The following FOXP1 variants were observed in gnomAD, a reference collection of about 807,000 sequenced individuals.
FOXP1 encodes the protein forkhead box protein P1.
In FOXP1, 15 loss-of-function variants were observed where a neutral mutation model predicts 98.2. The observed-to-expected ratio is 0.15, with a 90% CI of 0.10 to 0.24. FOXP1 has a LOEUF of 0.24. Ranked by LOEUF, FOXP1 falls within the 10% of genes least tolerant of loss-of-function variation. FOXP1 has a pLI of 1.00. For synonymous variants in FOXP1, 371 were observed against 314.5 expected (o/e 1.18, Z -1.90); for missense variants, 633 against 848.5 (o/e 0.75, Z 3.15).
At chr3:71,090,730 C>G (rs1288982) in intron 7 of FOXP1, among the ~76,000 whole-genome samples, 151,404 of 152,318 alleles carry the variant, frequency 0.99, 75,257 homozygotes, top group East Asian at 1. Flanking sequence ...AGCAGTTGCA[C>G]TGCCATTACA....
intron 2 of FOXP1, among the ~76,000 whole-genome samples, chr3:71,531,957 C>T (rs958491547): frequency 7.9e-5 from 12 of 152,210 alleles, no homozygotes; most frequent in South Asian, 2.1e-4. Flanking sequence ...GTCATTTATG[C>T]GACTTCCACA....
At chr3:71,144,306 G>C (rs1040309012) in intron 6 of FOXP1, among the ~76,000 whole-genome samples, 1 of 152,212 alleles carries the variant, frequency 6.6e-6, no homozygotes. Context: ...CTCAGGGCTG[G>C]AGAATGAGCA....
chr3:70,981,792 T>C (rs2038912576), intron 14 of FOXP1, among the ~76,000 whole-genome samples: 1 of 152,226 alleles, frequency 6.6e-6, no homozygotes, highest in Non-Finnish European at 1.5e-5. Context: ...GGAAAACTAA[T>C]GACACATATA....
chr3:71,175,982 C>A (rs141131294), intron 6 of FOXP1, among the ~76,000 whole-genome samples: 18 of 152,278 alleles, frequency 1.2e-4, no homozygotes, highest in African/African-American at 4.1e-4. Context: ...GCAAAATAAT[C>A]CACTCTCCCC....
intron 7 of FOXP1, among the ~76,000 whole-genome samples, chr3:71,071,057 T>A (rs1173993003): frequency 6.6e-6 from 1 of 152,188 alleles, no homozygotes; most frequent in Non-Finnish European, 1.5e-5. Flanking sequence ...GGCTCTGCGC[T>A]CGCTATGGCT....
At chr3:71,562,880 C>T (rs1029890321) in intron 2 of FOXP1, among the ~76,000 whole-genome samples, 3 of 152,160 alleles carry the variant, frequency 2.0e-5, no homozygotes, top group African/African-American at 7.2e-5. Flanking sequence ...ACTTCCTGGG[C>T]CCATTCCTTT....
At chr3:71,376,122 G>T (rs764636041) in intron 3 of FOXP1, among the ~76,000 whole-genome samples, 4 of 152,132 alleles carry the variant, frequency 2.6e-5, no homozygotes, top group Non-Finnish European at 5.9e-5. Flanking sequence ...CTATTTCAAA[G>T]ATTACATCAA....
intron 1 of FOXP1, chr3:71,582,806 T>C: frequency 2.0e-6 from 2 of 985,040 alleles, no homozygotes; most frequent in Non-Finnish European, 2.4e-6. Flanking sequence ...GTTTGAATTT[T>C]CCGGGCTCCG....
At chr3:71,524,557 A>G (rs943753369) in intron 2 of FOXP1, among the ~76,000 whole-genome samples, 2 of 141,948 alleles carry the variant, frequency 1.4e-5, no homozygotes, top group Non-Finnish European at 3.1e-5. Context: ...AAAAAAAAAA[A>G]GCAAGCCAAT....
intron 18 of FOXP1, chr3:70,972,188 A>G: frequency 2.0e-6 from 3 of 1,515,732 alleles, no homozygotes; most frequent in Non-Finnish European, 1.8e-6. Flanking sequence ...ACCCTGGGAT[A>G]GGAGCAGCAG....
chr3:71,277,047 C>G (rs552384125), intron 5 of FOXP1, among the ~76,000 whole-genome samples: 84 of 151,532 alleles, frequency 5.5e-4, no homozygotes, highest in Non-Finnish European at 9.4e-4. Flanking sequence ...CAAGCTTCCC[C>G]TCCCGGATTC....
intron 6 of FOXP1, among the ~76,000 whole-genome samples, chr3:71,162,369 C>T (rs886593092): frequency 6.6e-6 from 1 of 152,190 alleles, no homozygotes; most frequent in African/African-American, 2.4e-5. Flanking sequence ...ACCACTGCTT[C>T]CCACAGCCTT....
chr3:71,188,920 T>TA (rs924485335), intron 6 of FOXP1, among the ~76,000 whole-genome samples: 3 of 151,586 alleles, frequency 2.0e-5, no homozygotes, highest in East Asian at 1.9e-4. Context: ...TTACCAACCT[T>TA]AAAAAAAAAT....
intron 2 of FOXP1, among the ~76,000 whole-genome samples, chr3:71,507,033 C>T (rs1338409885): frequency 6.6e-6 from 1 of 152,212 alleles, no homozygotes; most frequent in East Asian, 1.9e-4. Context: ...GCTTGGACCA[C>T]ACAACTAAGT....
chr3:71,171,330 G>C (rs562707467), intron 6 of FOXP1, among the ~76,000 whole-genome samples: 1 of 152,250 alleles, frequency 6.6e-6, no homozygotes, highest in African/African-American at 2.4e-5. Flanking sequence ...ATTACTACCA[G>C]ACAGAAACTC....
Position 71,220,135 on chromosome 3 carries a change from T to C in FOXP1, c.-11-21743A>G, listed in dbSNP as rs181022667. Among the ~76,000 whole-genome samples the C allele has an allele frequency of 1.4e-3, 219 of 152,330 alleles. 1 individual carries two copies. The highest frequency in any genetic ancestry group is 4.8e-3 in the African/African-American group (201 of 41,566). ...GCAGAGTAATCATTATACTACATTC[T>C]AGTTTTCTGAATGTTTACCTGTAAG... On this transcript the variant is annotated intron_variant, in intron 5 of 20. Coordinates refer to ENST00000649528, the MANE Select transcript of FOXP1 (RefSeq NM_001349338.3).
intron 7 of FOXP1, among the ~76,000 whole-genome samples, chr3:71,088,543 C>T (rs1007410893): frequency 2.0e-5 from 3 of 152,002 alleles, no homozygotes; most frequent in Non-Finnish European, 4.4e-5. Flanking sequence ...GTTTGTTGAA[C>T]AGGGAATCTC....
At chr3:70,959,572 T>C (rs2032728724) in intron 20 of FOXP1, among the ~76,000 whole-genome samples, 181 bp from the exon 21 acceptor site, 2 of 152,240 alleles carry the variant, frequency 1.3e-5, no homozygotes, top group Admixed American at 1.3e-4. Context: ...CTACATTTAA[T>C]ATTCAGTTTC....
intron 3 of FOXP1, among the ~76,000 whole-genome samples, chr3:71,473,066 T>C (rs1401075753): frequency 6.6e-6 from 1 of 152,206 alleles, no homozygotes; most frequent in Non-Finnish European, 1.5e-5. Flanking sequence ...AGAGCCTGTG[T>C]CTGTAACCAC....
Sources: allele counts gnomAD v4.1 joint callset (sites outside exome capture counted in the v4.1 genomes callset), GRCh38; gene constraint gnomAD v4.1.1; transcripts MANE v1.5; gene names NCBI Gene and HGNC (gene_info 2026-07-23, HGNC 2026-07-21).